Variants in XYLT1 observed in about 807,000 individuals in gnomAD.
The protein encoded by XYLT1 is beta-D-xylosyltransferase 1.
In XYLT1, 36 loss-of-function variants were observed where a neutral mutation model predicts 91.3. That is an observed-to-expected ratio of 0.39 (90% CI 0.30 to 0.52). XYLT1 has a LOEUF of 0.52. Among genes scored for constraint, XYLT1 ranks in the 20% least tolerant of loss-of-function variants. The pLI, the probability that XYLT1 is intolerant of heterozygous loss-of-function variation, is 0.68. For synonymous variants in XYLT1, 588 were observed against 532.0 expected (o/e 1.11, Z -1.45); for missense variants, 1,242 against 1,284.5 (o/e 0.97, Z 0.51).
At position 17,411,433 on chromosome 16, in the gene XYLT1, C is replaced by T. The variant is rs111822251; in HGVS notation, c.364-53383G>A. Among the ~76,000 whole-genome samples, 282 of 152,272 alleles carry T rather than the reference C, an allele frequency of 1.9e-3. 4 individuals are homozygous for T. The highest frequency in any genetic ancestry group is 6.4e-3 in the African/African-American group (267 of 41,570). ...TGTCATTCTACAAGGAATGCTGCTA[C>T]TATCACCTTGGGCTGCTAAAAAAAT... On this transcript the variant is annotated intron_variant, in intron 1 of 11. Transcript: ENST00000261381.
At chr16:17,239,313 T>TGCA (rs2033300368) in intron 3 of XYLT1, among the ~76,000 whole-genome samples, 4 of 118,968 alleles carry the variant, frequency 3.4e-5, no homozygotes, top group Admixed American at 8.2e-5. Context: ...ATCCAGTCCA[T>TGCA]TCATCCATCC....
chr16:17,433,492 G>A (rs1308619899), intron 1 of XYLT1, among the ~76,000 whole-genome samples: 1 of 152,200 alleles, frequency 6.6e-6, no homozygotes, highest in African/African-American at 2.4e-5. Context: ...TGTCTGCAGT[G>A]GCCATCTTCC....
intron 8 of XYLT1, 92 bp downstream of exon 8, chr16:17,138,263 T>A: frequency 1.3e-6 from 2 of 1,483,400 alleles, no homozygotes; most frequent in Non-Finnish European, 1.8e-6. Flanking sequence ...CACCATGTGA[T>A]AAGATGACCT....
At chr16:17,245,245 T>C (rs906698397) in intron 3 of XYLT1, among the ~76,000 whole-genome samples, 8 of 152,174 alleles carry the variant, frequency 5.3e-5, no homozygotes, top group Admixed American at 2.0e-4. Flanking sequence ...GGCAAGTTCT[T>C]AAAAATCGTG....
At chr16:17,363,647 C>A (rs1346710611) in intron 1 of XYLT1, among the ~76,000 whole-genome samples, 1 of 152,214 alleles carries the variant, frequency 6.6e-6, no homozygotes, top group Non-Finnish European at 1.5e-5. Context: ...TCAAGCGATT[C>A]CCCTGCCTCA....
intron 3 of XYLT1, among the ~76,000 whole-genome samples, chr16:17,223,540 G>A (rs2033010276): frequency 1.3e-5 from 2 of 152,242 alleles, no homozygotes. Context: ...ACCTGTGCAT[G>A]CTTCTCTGTG....
At chr16:17,450,049 G>T (rs2036644470) in intron 1 of XYLT1, among the ~76,000 whole-genome samples, 1 of 152,156 alleles carries the variant, frequency 6.6e-6, no homozygotes, top group African/African-American at 2.4e-5. Flanking sequence ...CTAATAAAAG[G>T]TGAGAAGGAC....
intron 10 of XYLT1, among the ~76,000 whole-genome samples, chr16:17,126,233 G>A (rs1055292683): frequency 4.6e-5 from 7 of 152,278 alleles, no homozygotes; most frequent in South Asian, 2.1e-4. Flanking sequence ...GCCATGGAGC[G>A]GCCAACATCA....
intron 3 of XYLT1, among the ~76,000 whole-genome samples, chr16:17,247,065 G>A (rs886389670): frequency 5.3e-5 from 8 of 150,650 alleles, no homozygotes; most frequent in Non-Finnish European, 1.2e-4. Context: ...TTTGAGAGAG[G>A]AGAAAAGGCC....
At chr16:17,464,262 G>A (rs1285272298) in intron 1 of XYLT1, among the ~76,000 whole-genome samples, 1 of 152,176 alleles carries the variant, frequency 6.6e-6, no homozygotes, top group Non-Finnish European at 1.5e-5. Flanking sequence ...GCCAAGGCAG[G>A]CAGATCACCT....
intron 1 of XYLT1, among the ~76,000 whole-genome samples, chr16:17,383,839 C>T (rs1394321627): frequency 1.3e-5 from 2 of 149,106 alleles, no homozygotes; most frequent in Non-Finnish European, 3.0e-5. Context: ...CCTCTGCCTC[C>T]CAAGTTCAAG....
intron 1 of XYLT1, among the ~76,000 whole-genome samples, chr16:17,414,813 G>T (rs1033887553): frequency 6.6e-6 from 1 of 152,114 alleles, no homozygotes; most frequent in African/African-American, 2.4e-5. Context: ...ACTGCCGTTT[G>T]CTCAGTTATG....
intron 11 of XYLT1, among the ~76,000 whole-genome samples, chr16:17,110,007 C>T (rs1966831528): frequency 6.6e-6 from 1 of 152,138 alleles, no homozygotes; most frequent in Non-Finnish European, 1.5e-5. Context: ...TTGCTGGGCC[C>T]CTCCTATGTG....
chr16:17,167,960 G>A (rs2031737801), intron 5 of XYLT1, among the ~76,000 whole-genome samples: 2 of 152,180 alleles, frequency 1.3e-5, no homozygotes, highest in Non-Finnish European at 2.9e-5. Context: ...CCACACTCCA[G>A]ACGGTTTATG....
intron 1 of XYLT1, among the ~76,000 whole-genome samples, chr16:17,414,783 G>A (rs1169298689): frequency 2.0e-5 from 3 of 152,268 alleles, no homozygotes; most frequent in South Asian, 2.1e-4. Flanking sequence ...GTGTACCAGC[G>A]CAGCCCCTCA....
At chr16:17,372,318 A>G (rs1365268535) in intron 1 of XYLT1, among the ~76,000 whole-genome samples, 1 of 152,204 alleles carries the variant, frequency 6.6e-6, no homozygotes, top group East Asian at 1.9e-4. Flanking sequence ...AATCTTTTCA[A>G]TCTTTTCAAC....
intron 3 of XYLT1, among the ~76,000 whole-genome samples, chr16:17,231,386 G>T (rs1286639713): frequency 6.6e-6 from 1 of 152,210 alleles, no homozygotes; most frequent in East Asian, 1.9e-4. Flanking sequence ...GTGGGGTGCA[G>T]TGGATAACAG....
intron 1 of XYLT1, among the ~76,000 whole-genome samples, chr16:17,426,660 T>C (rs564399126): frequency 3.3e-5 from 5 of 152,362 alleles, no homozygotes; most frequent in South Asian, 2.1e-4. Context: ...TAAAGTTTTA[T>C]TGACACATAG....
chr16:17,271,327 G>C (rs2033887461), intron 2 of XYLT1, among the ~76,000 whole-genome samples: 1 of 152,074 alleles, frequency 6.6e-6, no homozygotes, highest in Non-Finnish European at 1.5e-5. Context: ...GAGACACAGA[G>C]AGAGAGACAC....
Sources: allele counts gnomAD v4.1 joint callset (sites outside exome capture counted in the v4.1 genomes callset), GRCh38; gene constraint gnomAD v4.1.1; transcripts MANE v1.5; gene names NCBI Gene and HGNC (gene_info 2026-07-23, HGNC 2026-07-21).